CRTC3: variants seen among roughly 807,000 people sequenced by gnomAD.
CRTC3 encodes CREB regulated transcription coactivator 3, also known as CREB-regulated transcription coactivator 3.
Under a neutral mutation model 74.5 loss-of-function variants are expected in CRTC3, and 26 were observed. The observed-to-expected ratio is 0.35, with a 90% CI of 0.26 to 0.48. The LOEUF (loss-of-function observed/expected upper bound fraction) is 0.48. Among genes scored for constraint, CRTC3 ranks in the 20% least tolerant of loss-of-function variants. The pLI, the probability that CRTC3 is intolerant of heterozygous loss-of-function variation, is 0.99. For missense variants in CRTC3, 760 were observed against 787.3 expected (o/e 0.97, Z 0.41); for synonymous variants, 377 against 325.8 (o/e 1.16, Z -1.69).
At chr15:90,629,101 G>T in intron 10 of CRTC3, 133 bp from the exon 11 acceptor site, 1 of 788,712 alleles carries the variant, frequency 1.3e-6, no homozygotes, top group Non-Finnish European at 2.0e-6. Context: ...AGTCCCTGTA[G>T]GAGAGCTGTC....
chr15:90,614,237 A>G (rs1382541396), intron 6 of CRTC3: 1 of 485,464 alleles, frequency 2.1e-6, no homozygotes, highest in African/African-American at 2.0e-5. Context: ...ACAATTTTAA[A>G]GGAAAAGAAA....
chr15:90,562,566 C>T (rs900566083), intron 2 of CRTC3, among the ~76,000 whole-genome samples: 2 of 152,156 alleles, frequency 1.3e-5, no homozygotes, highest in Admixed American at 1.3e-4. Context: ...CTGGAACCAT[C>T]GTATGCCCAG....
intron 7 of CRTC3, 22 bp downstream of exon 7, chr15:90,614,510 C>G (rs1263321459): frequency 6.5e-7 from 1 of 1,546,954 alleles, no homozygotes; most frequent in Non-Finnish European, 8.9e-7. Context: ...TTTTACCTAC[C>G]TATATTGGAG....
At chr15:90,629,164 T>C (rs1968943789) in intron 10 of CRTC3, 70 bp from the exon 11 acceptor site, 2 of 1,449,362 alleles carry the variant, frequency 1.4e-6, no homozygotes, top group Non-Finnish European at 1.9e-6. Context: ...TAGACAGTTT[T>C]CTTTCATTTT....
At chr15:90,544,470 T>C (rs1189466434) in intron 2 of CRTC3, among the ~76,000 whole-genome samples, 1 of 152,244 alleles carries the variant, frequency 6.6e-6, no homozygotes, top group African/African-American at 2.4e-5. Context: ...CTACATTGCA[T>C]TGATCAGTAG....
intron 2 of CRTC3, among the ~76,000 whole-genome samples, chr15:90,540,779 A>G (rs1966790027): frequency 1.3e-5 from 2 of 152,208 alleles, no homozygotes; most frequent in South Asian, 2.1e-4. Flanking sequence ...TCAAAAAAAA[A>G]TAAAAATAAA....
Position 90,593,716 on chromosome 15 carries a change from C to T in CRTC3, c.312C>T (p.His104=). 1 of 1,610,884 alleles carries T rather than the reference C, an allele frequency of 6.2e-7. No homozygotes were observed. Among genetic ancestry groups the T allele is most frequent in the Non-Finnish European group, 8.5e-7 (1 of 1,177,386 alleles). Residue 104 remains histidine, a synonymous_variant, in exon 3 of 15, where the codon CAC becomes CAT. Coordinates refer to ENST00000268184, the MANE Select transcript of CRTC3 (RefSeq NM_022769.5). ...LVERPSRNRF[H]PLHRRSGDKP... ...AGAGGCCATCCAGGAACCGCTTCCA[C>T]CCCCTCCACCGAAGGTCTGGGGACA...
chr15:90,579,352 C>T (rs577462994), intron 2 of CRTC3, among the ~76,000 whole-genome samples: 16 of 152,192 alleles, frequency 1.1e-4, no homozygotes, highest in Non-Finnish European at 2.1e-4. Flanking sequence ...CACTGGGGAC[C>T]GACAGCCTTG....
At chr15:90,557,111 G>C (rs1313014318) in intron 2 of CRTC3, among the ~76,000 whole-genome samples, 1 of 151,940 alleles carries the variant, frequency 6.6e-6, no homozygotes, top group Non-Finnish European at 1.5e-5. Context: ...TGGCAGGAAT[G>C]TCTTATACTC....
At chr15:90,580,595 A>T (rs528926761) in intron 2 of CRTC3, among the ~76,000 whole-genome samples, 188 of 151,842 alleles carry the variant, frequency 1.2e-3, no homozygotes, top group African/African-American at 4.3e-3. Context: ...ACACCCAGCT[A>T]ATTTTTATAT....
At chr15:90,567,615 G>C (rs868843886) in intron 2 of CRTC3, among the ~76,000 whole-genome samples, 1 of 152,010 alleles carries the variant, frequency 6.6e-6, no homozygotes, top group Non-Finnish European at 1.5e-5. Context: ...TTGAACCCGG[G>C]AGGCAGAGGT....
intron 2 of CRTC3, among the ~76,000 whole-genome samples, chr15:90,551,944 G>GCGCA (rs1555446977): frequency 4.6e-5 from 6 of 129,198 alleles, no homozygotes; most frequent in South Asian, 2.3e-4. Flanking sequence ...ACACACACAC[G>GCGCA]CACACACACA....
rs56369527 is a variant in CRTC3 at position 90,567,695 on chromosome 15, T to A, written c.232-25941T>A. The stretch of plus-strand genomic sequence containing the variant: ...AAGAGTGAAACTCCGTCTCAAAAAA[T>A]AAATAAATAAATAAATAAATAAAAT... On this transcript the variant is annotated intron_variant, in intron 2 of 14. Coordinates refer to ENST00000268184, the MANE Select transcript of CRTC3 (RefSeq NM_022769.5). Among the ~76,000 whole-genome samples, 402 of 151,188 alleles carry A rather than the reference T, an allele frequency of 2.7e-3. 1 individual carries two copies. Among genetic ancestry groups the A allele is most frequent in the African/African-American group, 9.4e-3 (388 of 41,284 alleles).
In CRTC3 at chr15:90,645,149, C is replaced by T. The variant is rs1567202779; in HGVS notation, c.*3009C>T. 8.7e-6 allele frequency: 2 copies of T among 229,672 alleles called. No individual in the cohort carries two copies. The highest frequency in any genetic ancestry group is 1.7e-5 in the Non-Finnish European group (2 of 115,690). 14.2% of individuals were successfully genotyped at this position (229,672 alleles called of 1,614,324 possible). On this transcript the variant is annotated 3_prime_UTR_variant, in exon 15 of 15. Coordinates refer to ENST00000268184, the MANE Select transcript of CRTC3 (RefSeq NM_022769.5). ...TCTTCTGATTTATGCACAGATGGTT[C>T]CCAGCATGTGTCCAGTGCTTCATGG... is the stretch of plus-strand genomic sequence containing the variant.
At chr15:90,627,877 G>A (rs1334306409) in intron 10 of CRTC3, among the ~76,000 whole-genome samples, 3 of 108,444 alleles carry the variant, frequency 2.8e-5, no homozygotes, top group Admixed American at 9.8e-5. Flanking sequence ...GCCTCCCAAA[G>A]TGCCGGGATT....
intron 2 of CRTC3, among the ~76,000 whole-genome samples, chr15:90,585,459 AT>A (rs1394276973): frequency 8.8e-6 from 1 of 113,844 alleles, no homozygotes; most frequent in Non-Finnish European, 2.1e-5. Context: ...AAATTCCTTA[AT>A]ATTTTTTTTT....
intron 1 of CRTC3, 75 bp from the exon 2 acceptor site, chr15:90,539,964 C>A: frequency 9.7e-7 from 1 of 1,033,804 alleles, no homozygotes; most frequent in South Asian, 1.3e-5. Context: ...CGTTCCCCTA[C>A]AAAATACTAT....
chr15:90,585,322 C>G (rs1365369998), intron 2 of CRTC3, among the ~76,000 whole-genome samples: 1 of 152,038 alleles, frequency 6.6e-6, no homozygotes, highest in African/African-American at 2.4e-5. Context: ...TTTTTAAATT[C>G]TTAGCAGAGA....
At chr15:90,619,706 A>C in intron 8 of CRTC3, 35 bp from the exon 9 acceptor site, 2 of 1,602,862 alleles carry the variant, frequency 1.2e-6, no homozygotes, top group Non-Finnish European at 1.7e-6. Context: ...TTGGCTTTAC[A>C]GCGAGTAAGC....
Sources: allele counts gnomAD v4.1 joint callset (sites outside exome capture counted in the v4.1 genomes callset), GRCh38; gene constraint gnomAD v4.1.1; transcripts MANE v1.5; gene names NCBI Gene and HGNC (gene_info 2026-07-23, HGNC 2026-07-21).